Variants in GNE observed in about 807,000 individuals in gnomAD.
GNE encodes bifunctional UDP-N-acetylglucosamine 2-epimerase/N-acetylmannosamine kinase.
A neutral mutation model predicts 61.8 loss-of-function variants in GNE; 41 were observed. That is an observed-to-expected ratio of 0.66 (90% CI 0.52 to 0.86). The LOEUF (loss-of-function observed/expected upper bound fraction) is 0.86, where lower values mean the gene tolerates loss of function less well. Among genes scored for constraint, GNE ranks in the 40% least tolerant of loss-of-function variants. The probability of loss-of-function intolerance (pLI) is 0.00; values close to 1 mark genes in which losing one functional copy is unlikely to be tolerated. For missense variants in GNE, 608 were observed against 909.1 expected (o/e 0.67, Z 4.26); for synonymous variants, 264 against 326.4 (o/e 0.81, Z 2.06).
rs370624446 is a variant in GNE at position 36,239,475 on chromosome 9, C to CT, written c.617-2492dup. On this transcript the variant is annotated intron_variant, in intron 3 of 11. Transcript: ENST00000642385. ...TTTCTATCTTTCTTTCTTTTTCTCT[C>CT]TTTTTTTTTTCTTTTTGATGTAGTC... Among the ~76,000 whole-genome samples the CT allele has an allele frequency of 2.5e-3, 361 of 146,988 alleles. 2 individuals are homozygous for CT. The highest frequency in any genetic ancestry group is 0.014 in the Middle Eastern group (4 of 284).
chr9:36,260,281 TAAAAAAA>T (rs538107305), upstream of GNE, among the ~76,000 whole-genome samples: 1 of 123,596 alleles, frequency 8.1e-6, no homozygotes, highest in Non-Finnish European at 1.7e-5. Context: ...CCTCATCTCT[TAAAAAAA>T]AAAAAAAAAA....
intron 1 of GNE, among the ~76,000 whole-genome samples, chr9:36,270,516 C>CTTTT (rs1172459956): frequency 2.8e-4 from 37 of 131,636 alleles, no homozygotes; most frequent in East Asian, 4.5e-4. Context: ...GGATTTCTTT[C>CTTTT]TTTTTTTTTT....
intron 8 of GNE, 59 bp downstream of exon 8, chr9:36,223,314 G>A (rs1828693290): frequency 6.8e-7 from 1 of 1,467,506 alleles, no homozygotes; most frequent in Admixed American, 1.7e-5. Context: ...TGCATCACAA[G>A]TTAGTAAATT....
intron 4 of GNE, 149 bp from the exon 5 acceptor site, chr9:36,234,281 C>A: frequency 1.4e-6 from 1 of 716,192 alleles, no homozygotes; most frequent in Non-Finnish European, 2.5e-6. Context: ...CTGGCTTTTT[C>A]ATGAATGATG....
chr9:36,239,891 C>CTTATT (rs1366783898), intron 3 of GNE, among the ~76,000 whole-genome samples: 1 of 150,734 alleles, frequency 6.6e-6, no homozygotes, highest in Non-Finnish European at 1.5e-5. Context: ...TTTTATTTTA[C>CTTATT]TTATTTTATT....
At chr9:36,265,371 G>A (rs2133185119) in intron 1 of GNE, 1 of 454,524 alleles carries the variant, frequency 2.2e-6, no homozygotes, top group South Asian at 1.6e-5. Flanking sequence ...GGGAGCTCTG[G>A]GAGCAAGGAC....
At chr9:36,228,052 C>A (rs866286037) in intron 6 of GNE, among the ~76,000 whole-genome samples, 1,331 of 126,822 alleles carry the variant, frequency 0.01, 24 homozygotes, top group African/African-American at 0.04. Context: ...AAAAAAAAAA[C>A]AACCAACAAT....
chr9:36,266,563 C>T lies in GNE; in HGVS notation c.51+10331G>A, dbSNP rs1830798589. 4.0e-5 allele frequency among the ~76,000 whole-genome samples: 6 copies of T among 151,344 alleles called. No homozygotes were observed. The South Asian group carries it at 1.3e-3, about 32-fold the overall frequency. On this transcript the variant is annotated intron_variant, in intron 1 of 11. Coordinates refer to the GNE transcript ENST00000396594. ...CCGAGGCAGGTGGATCACCTGAGGT[C>T]AGGACTTTGAGACCAGCCTGGTCAA... is the stretch of plus-strand genomic sequence containing the variant.
intron 1 of GNE, among the ~76,000 whole-genome samples, chr9:36,253,669 C>A (rs980616372): frequency 2.0e-5 from 3 of 151,976 alleles, no homozygotes; most frequent in African/African-American, 7.3e-5. Context: ...TCTAAAAGTG[C>A]AAAATTTTGG....
At chr9:36,260,729 CGTG>C, upstream of GNE, among the ~76,000 whole-genome samples, 4 of 151,652 alleles carry the variant, frequency 2.6e-5, no homozygotes, top group Admixed American at 2.6e-4. Flanking sequence ...ATTAGCCGGG[CGTG>C]GTGGCGGGCG....
At chr9:36,249,883 CAA>C (rs568526742) in intron 1 of GNE, among the ~76,000 whole-genome samples, 4 of 129,756 alleles carry the variant, frequency 3.1e-5, no homozygotes, top group Admixed American at 8.0e-5. Context: ...GACTCCATCT[CAA>C]AAAAAAAAAA....
chr9:36,246,743 A>T (rs576477670), intron 2 of GNE, among the ~76,000 whole-genome samples: 1 of 142,186 alleles, frequency 7.0e-6, no homozygotes, highest in Admixed American at 7.8e-5. Flanking sequence ...ATCTAGGCTC[A>T]CTGCAACTTC....
Position 36,229,329 on chromosome 9 carries a change from T to C in GNE, c.983-221A>G, listed in dbSNP as rs1829037393. Among the ~76,000 whole-genome samples the C allele has an allele frequency of 2.0e-5, 3 of 152,216 alleles. No individual in the cohort carries two copies. The South Asian group carries it at 6.2e-4, about 32-fold the overall frequency. On this transcript the variant is annotated intron_variant, in intron 5 of 11. Transcript: ENST00000642385. ...CACTTAAGGGCCCTAGGGTCCTTTA[T>C]TCCCAAGGAGAACAAATCAAGTTTT... is the stretch of plus-strand genomic sequence containing the variant.
At chr9:36,272,021 G>A (rs1587390888) in intron 1 of GNE, among the ~76,000 whole-genome samples, 1 of 152,246 alleles carries the variant, frequency 6.6e-6, no homozygotes, top group Admixed American at 6.5e-5. Flanking sequence ...CTACTCAACT[G>A]CCTGCACCGG....
chr9:36,259,850 G>C (rs540753676), upstream of GNE, among the ~76,000 whole-genome samples: 1 of 151,896 alleles, frequency 6.6e-6, no homozygotes, highest in African/African-American at 2.4e-5. Flanking sequence ...TAGTAGAGAC[G>C]GGGGTTTCAC....
chr9:36,260,879 A>C (rs1178358728), upstream of GNE, among the ~76,000 whole-genome samples: 2 of 141,512 alleles, frequency 1.4e-5, no homozygotes, highest in African/African-American at 6.0e-5. Context: ...AAAAAAAAAA[A>C]AAAAAAAAAA....
chr9:36,248,463 C>T (rs997442429), intron 2 of GNE, among the ~76,000 whole-genome samples: 10 of 150,972 alleles, frequency 6.6e-5, no homozygotes, highest in Admixed American at 1.3e-4. Flanking sequence ...TACGGGCATG[C>T]GCCACCACAA....
intron 6 of GNE, 89 bp from the exon 7 acceptor site, chr9:36,227,547 T>C: frequency 1.2e-6 from 1 of 849,418 alleles, no homozygotes; most frequent in Non-Finnish European, 2.0e-6. Flanking sequence ...AAACTGAGAC[T>C]TCAGGTAAAA....
At chr9:36,221,467 T>G (rs1460165867) in intron 9 of GNE, among the ~76,000 whole-genome samples, 2 of 152,080 alleles carry the variant, frequency 1.3e-5, no homozygotes, top group African/African-American at 4.8e-5. Flanking sequence ...AATCAAGTTA[T>G]ACACTTAAAA....
Sources: gnomAD v4.1 joint callset for allele counts (sites outside exome capture counted in the v4.1 genomes callset) on GRCh38, gnomAD v4.1.1 for gene constraint, MANE v1.5 for transcripts, NCBI Gene and HGNC (gene_info 2026-07-23, HGNC 2026-07-21) for gene names.